The following QTRT2 variants were observed in gnomAD, a reference collection of about 807,000 sequenced individuals.
QTRT2 encodes the protein queuine tRNA-ribosyltransferase accessory subunit 2, also known as queuine tRNA-ribosyltransferase domain containing 1.
Under a neutral mutation model 44.8 loss-of-function variants are expected in QTRT2, and 32 were observed. The ratio of observed to expected loss-of-function variants is 0.71; its 90% CI spans 0.54 to 0.96. QTRT2 has a LOEUF of 0.96. QTRT2 is among the 40% of genes least tolerant of loss of function. The probability of loss-of-function intolerance (pLI) is 0.00; values close to 1 mark genes in which losing one functional copy is unlikely to be tolerated. For synonymous variants in QTRT2, 182 were observed against 187.4 expected (o/e 0.97, Z 0.24); for missense variants, 461 against 503.1 (o/e 0.92, Z 0.80).
In QTRT2 at chr3:114,080,040, C is replaced by T. The variant is rs368233931; in HGVS notation, c.881C>T (p.Pro294Leu). The change falls in exon 8 of 10, where the codon CCG (proline) becomes CTG (leucine). Residue 294 changes from proline to leucine, a missense_variant. Physicochemically the swap from Pro to Leu is moderately conservative, Grantham distance 98 (BLOSUM62 -3). Coordinates refer to ENST00000281273, the MANE Select transcript of QTRT2 (RefSeq NM_024638.4). ...CTGACTTTCAGTTTTGATTACCAGC[C>T]GAATCCTGAAGAGACACGTAAGTCT... ...CALTFSFDYQ[P>L]NPEETLLQQN... 11 of 1,608,558 alleles carry T rather than the reference C, an allele frequency of 6.8e-6. No homozygotes were observed. The Admixed American group carries it at 1.0e-4, about 15-fold the overall frequency.
In QTRT2 at chr3:114,066,870, G is replaced by A. The variant is rs370769488; in HGVS notation, c.256+587G>A. 2.5e-3 allele frequency among the ~76,000 whole-genome samples: 383 copies of A among 152,280 alleles called. 3 individuals carry two copies. The highest frequency in any genetic ancestry group is 8.5e-3 in the African/African-American group (353 of 41,544). On this transcript the variant is annotated intron_variant, in intron 4 of 9. Coordinates refer to ENST00000281273, the MANE Select transcript of QTRT2 (RefSeq NM_024638.4). ...ATGCTTGAACCTCAAACATGCAGGG[G>A]AGGATGAAGCGTTTGTATATGGCTG...
rs981171637 is a variant in QTRT2, at chr3:114,065,418, A to G, written c.161A>G (p.His54Arg). 6.2e-7 allele frequency: 1 copy of G among 1,613,986 alleles called. No homozygotes were observed. Among genetic ancestry groups the G allele is most frequent in the African/African-American group, 1.3e-5 (1 of 74,942 alleles). Residue 54 changes from histidine (H) to arginine (R), a missense_variant, in exon 3 of 10, where the codon CAC becomes CGC. Transcript: ENST00000281273. ...ACCCATCACACGCTGCATAATATCC[A>G]CGGGGTTCCTGCCATGGCTCAGCTT... ...HLTHHTLHNI[H>R]GVPAMAQLTL... is the part of the protein sequence containing the mutation.
intron 8 of QTRT2, among the ~76,000 whole-genome samples, chr3:114,080,558 A>C (rs952635262): frequency 6.6e-6 from 1 of 151,842 alleles, no homozygotes; most frequent in African/African-American, 2.4e-5. Flanking sequence ...AAGGACTGCC[A>C]TTTTCTTTTA....
chr3:114,064,812 C>G (rs1406915135), intron 2 of QTRT2, among the ~76,000 whole-genome samples: 3 of 152,144 alleles, frequency 2.0e-5, no homozygotes, highest in Non-Finnish European at 4.4e-5. Flanking sequence ...CTTAGCCTTC[C>G]CTCAAATTGG....
At position 114,085,657 on chromosome 3, in the gene QTRT2, G is replaced by C. The variant is rs1171916234; in HGVS notation, c.1017-16G>C. The C allele has an allele frequency of 2.5e-6, 4 of 1,602,946 alleles. No homozygotes were observed. The highest frequency in any genetic ancestry group is 3.4e-6 in the Non-Finnish European group (4 of 1,169,880). ...ATTCCGTACTTTCTGGAATGTCACT[G>C]TGACTTCTTTCTTAGGTACCAGGAG... On this transcript the variant is annotated splice_polypyrimidine_tract_variant and intron_variant, in intron 9 of 9. Transcript: ENST00000281273.
Position 114,088,195 on chromosome 3 carries a change from GTTTA to G in QTRT2, c.*2297_*2300del, listed in dbSNP as rs1188530341. ...TCCAGAATCCATATGAAATTCATGA[GTTTA>G]TTTATGTCTAAAACACTGAAAACTG... is the stretch of plus-strand genomic sequence containing the variant. On this transcript the variant is annotated 3_prime_UTR_variant, in exon 10 of 10. Coordinates refer to ENST00000281273, the MANE Select transcript of QTRT2 (RefSeq NM_024638.4). 3.9e-5 allele frequency: 6 copies of G among 152,170 alleles called. No homozygotes were observed. Among genetic ancestry groups the G allele is most frequent in the East Asian group, 1.9e-4 (1 of 5,204 alleles). 9.4% of individuals were successfully genotyped at this position (152,170 alleles called of 1,614,324 possible).
rs1359865518 is a variant in QTRT2, at chr3:114,086,509, TCACA to T, written c.*607_*610del. ...TCCTGTGATGATCATCTGTCCCAGG[TCACA>T]CTCCTTCATTTGACCACATGGCCTA... On this transcript the variant is annotated 3_prime_UTR_variant, in exon 10 of 10. Coordinates refer to ENST00000281273, the MANE Select transcript of QTRT2 (RefSeq NM_024638.4). 6.5e-6 allele frequency: 1 copy of T among 154,760 alleles called. No individual in the cohort carries two copies. The highest frequency in any genetic ancestry group is 6.3e-5 in the Admixed American group (1 of 15,844). 9.6% of individuals were successfully genotyped at this position (154,760 alleles called of 1,614,324 possible). A position where few individuals can be genotyped will look rare whatever the true frequency, so the allele number is the denominator to read the frequency against.
In QTRT2 at chr3:114,065,321, A is replaced by G; in HGVS notation, c.64A>G (p.Lys22Glu). The G allele has an allele frequency of 6.2e-7, 1 of 1,614,176 alleles. No homozygotes were observed. The highest frequency in any genetic ancestry group is 2.2e-5 in the East Asian group (1 of 44,878). ...CRLGKIKNLG[K>E]TGDHTMDIPG... ...CCTAGGAAAAATAAAAAACCTGGGC[A>G]AAACAGGGGACCACACCATGGATAT... The change falls in exon 3 of 10, where the codon AAA becomes GAA. Residue 22 changes from lysine (K) to glutamate (E), a missense_variant. Coordinates refer to ENST00000281273, the MANE Select transcript of QTRT2 (RefSeq NM_024638.4).
At chr3:114,068,144 C>T in intron 5 of QTRT2, 81 bp downstream of exon 5, 1 of 1,097,372 alleles carries the variant, frequency 9.1e-7, no homozygotes, top group South Asian at 1.2e-5. Context: ...ATGCTCAGAT[C>T]CCACTGTCTG....
At chr3:114,061,232 A>G (rs1296320845) in intron 2 of QTRT2, among the ~76,000 whole-genome samples, 2 of 152,124 alleles carry the variant, frequency 1.3e-5, no homozygotes, top group East Asian at 1.9e-4. Flanking sequence ...ATTGCATTCT[A>G]TAGGGCAAAC....
intron 6 of QTRT2, among the ~76,000 whole-genome samples, chr3:114,075,365 A>G (rs773123338): frequency 1.3e-5 from 2 of 152,060 alleles, no homozygotes; most frequent in Non-Finnish European, 2.9e-5. Context: ...TTGTACCTAG[A>G]TTTCTATGAG....
rs2077228125 is a variant in QTRT2, at chr3:114,085,744, A to G, written c.1088A>G (p.Tyr363Cys). The change falls in exon 10 of 10, where the codon TAC becomes TGC. Residue 363 changes from tyrosine to cysteine, a missense_variant. By Grantham distance (194) the Tyr-to-Cys change is radical (BLOSUM62 -2). Transcript: ENST00000281273. ...CYCCKNHTRA[Y>C]IHHLLVTNEL... ...TGCTGTAAGAATCACACTCGGGCATACATCCACCATCTGCTGGTGACCAAT... is the reference window on the plus strand; with the variant it reads ...TGCTGTAAGAATCACACTCGGGCATGCATCCACCATCTGCTGGTGACCAAT... 1 of 1,614,224 alleles carries G rather than the reference A, an allele frequency of 6.2e-7. No homozygotes were observed. Among genetic ancestry groups the G allele is most frequent in the African/African-American group, 1.3e-5 (1 of 75,058 alleles).
chr3:114,068,059 A>G lies in QTRT2; in HGVS notation c.329A>G (p.Asn110Ser). The change falls in exon 5 of 10, where the codon AAC (asparagine) becomes AGC (serine). Residue 110 changes from asparagine to serine, a missense_variant. Coordinates refer to ENST00000281273, the MANE Select transcript of QTRT2 (RefSeq NM_024638.4). ...CCCTGCCCGGCTGGTTATGTAACAA[A>G]CAAGGTGTGTTTTCAGAAGGGTCTC... The part of the protein sequence containing the change: ...VSPCPAGYVT[N>S]KSVSVWSVAG... 1.2e-6 allele frequency: 2 copies of G among 1,613,690 alleles called. No individual in the cohort carries two copies.
At position 114,076,805 on chromosome 3, in the gene QTRT2, G is replaced by T; in HGVS notation, c.609G>T (p.Leu203=). ...IEGGDVMEER[L]RSARETAKRP... is the part of the protein sequence containing the mutation. The stretch of plus-strand genomic sequence containing the variant: ...GTGGAGATGTGATGGAAGAGAGGCT[G>T]AGGTCAGCACGAGAGACAGCCAAGC... Residue 203 remains leucine, a synonymous_variant, in exon 7 of 10, where the codon CTG becomes CTT. Coordinates refer to ENST00000281273, the MANE Select transcript of QTRT2 (RefSeq NM_024638.4). 6.2e-7 allele frequency: 1 copy of T among 1,614,200 alleles called. No homozygotes were observed. The highest frequency in any genetic ancestry group is 8.5e-7 in the Non-Finnish European group (1 of 1,180,040).
intron 2 of QTRT2, among the ~76,000 whole-genome samples, chr3:114,059,811 T>C (rs1460874383): frequency 6.6e-6 from 1 of 152,218 alleles, no homozygotes; most frequent in East Asian, 1.9e-4. Flanking sequence ...TTACTGTGAT[T>C]AGGGTGGAAC....
In QTRT2 at chr3:114,057,052, C is replaced by T; in HGVS notation, c.-76C>T. The T allele has an allele frequency of 1.4e-6, 2 of 1,380,688 alleles. No individual in the cohort carries two copies. The highest frequency in any genetic ancestry group is 1.9e-6 in the Non-Finnish European group (2 of 1,070,642). 85.5% of individuals were successfully genotyped at this position (1,380,688 alleles called of 1,614,324 possible). On this transcript the variant is annotated 5_prime_UTR_variant, in exon 2 of 10. Coordinates refer to ENST00000281273, the MANE Select transcript of QTRT2 (RefSeq NM_024638.4). ...TTCAGATTCTCATAAATCGTGTGAG[C>T]GTCGCCGACACCTCTGAGATAAAAG...
At position 114,079,944 on chromosome 3, in the gene QTRT2, A is replaced by T; in HGVS notation, c.785A>T (p.Glu262Val). The change falls in exon 8 of 10, where the codon GAG (glutamate) becomes GTG (valine). Residue 262 changes from glutamate (E) to valine (V), a missense_variant. Coordinates refer to ENST00000281273, the MANE Select transcript of QTRT2 (RefSeq NM_024638.4). ...SGVSRPDEVL[E>V]CIERGVDLFE... Reference sequence around the variant, plus strand: ...GTTAGTCGGCCAGATGAGGTGCTCGAGTGTATTGAAAGAGGAGTGGACTTA... The same window carrying T: ...GTTAGTCGGCCAGATGAGGTGCTCGTGTGTATTGAAAGAGGAGTGGACTTA... The T allele has an allele frequency of 6.2e-7, 1 of 1,613,846 alleles. No homozygotes were observed. Among genetic ancestry groups the T allele is most frequent in the Non-Finnish European group, 8.5e-7 (1 of 1,179,854 alleles).
rs572301959 is a variant in QTRT2 at position 114,086,901 on chromosome 3, A to G, written c.*997A>G. Reference sequence around the variant, plus strand: ...TAGCTCTAAAATTGGAAGAACAAAAAGTTTTAGATTAGAGTCATAGCCTTA... The same window carrying G: ...TAGCTCTAAAATTGGAAGAACAAAAGGTTTTAGATTAGAGTCATAGCCTTA... On this transcript the variant is annotated 3_prime_UTR_variant, in exon 10 of 10. Transcript: ENST00000281273. The G allele has an allele frequency of 1.3e-5, 2 of 152,316 alleles. No homozygotes were observed. The highest frequency in any genetic ancestry group is 4.1e-4 in the South Asian group (2 of 4,826). The allele number at this position is 152,316 out of a possible 1,614,324, so 9.4% of individuals were successfully genotyped here.
chr3:114,067,453 T>A (rs569511992), intron 4 of QTRT2, among the ~76,000 whole-genome samples: 28 of 152,336 alleles, frequency 1.8e-4, no homozygotes, highest in South Asian at 6.2e-4. Context: ...TCTTTTTGAC[T>A]GAAGAACTTA....
Sources: allele counts gnomAD v4.1 joint callset (sites outside exome capture counted in the v4.1 genomes callset), GRCh38; gene constraint gnomAD v4.1.1; transcripts MANE v1.5; gene names NCBI Gene and HGNC (gene_info 2026-07-23, HGNC 2026-07-21).